The following KIF21A variants were observed in gnomAD, a reference collection of about 807,000 sequenced individuals.
KIF21A encodes the protein kinesin family member 21A.
KIF21A carries 114 observed loss-of-function variants against 202.9 expected under a neutral mutation model. The ratio of observed to expected loss-of-function variants is 0.56; its 90% confidence interval spans 0.48 to 0.66. The LOEUF (loss-of-function observed/expected upper bound fraction) is 0.66, where lower values mean the gene tolerates loss of function less well. Among genes scored for constraint, KIF21A ranks in the 30% least tolerant of loss-of-function variants. The pLI is 0.00. For synonymous variants in KIF21A, 667 were observed against 670.8 expected, an observed-to-expected ratio of 0.99 and a Z score of 0.09; for missense variants, 1,677 against 1,994.9, an observed-to-expected ratio of 0.84 and a Z score of 3.04.
chr12:39,429,440 C>T (rs528110261), intron 1 of KIF21A, among the ~76,000 whole-genome samples: 372 of 152,198 alleles, frequency 2.4e-3, no homozygotes, highest in Non-Finnish European at 4.3e-3. Flanking sequence ...AATATAAATG[C>T]ACTATTATCA....
At chr12:39,432,617 C>CT (rs200987357) in intron 1 of KIF21A, among the ~76,000 whole-genome samples, 12,339 of 144,932 alleles carry the variant, frequency 0.085, 629 homozygotes, top group South Asian at 0.29. Flanking sequence ...TGGACAAATT[C>CT]TTTTTTTTTT....
At chr12:39,383,860 T>C (rs1566080074) in intron 1 of KIF21A, among the ~76,000 whole-genome samples, 1 of 152,128 alleles carries the variant, frequency 6.6e-6, no homozygotes, top group Non-Finnish European at 1.5e-5. Flanking sequence ...TGAAGAGGCT[T>C]AGAGCAGTAC....
intron 11 of KIF21A, among the ~76,000 whole-genome samples, chr12:39,348,045 T>C (rs888833013): frequency 2.6e-5 from 4 of 152,076 alleles, no homozygotes; most frequent in African/African-American, 9.7e-5. Context: ...GAGACTTTTG[T>C]TAGCTTATAC....
intron 1 of KIF21A, among the ~76,000 whole-genome samples, chr12:39,418,037 A>G (rs1313970021): frequency 6.6e-6 from 1 of 151,960 alleles, no homozygotes. Context: ...GTGCAACCCC[A>G]TCTCTACAAA....
At chr12:39,389,179 T>TAC (rs10632410) in intron 1 of KIF21A, among the ~76,000 whole-genome samples, 13,194 of 142,024 alleles carry the variant, frequency 0.093, 919 homozygotes, top group African/African-American at 0.2. Context: ...TAAATACACA[T>TAC]ACACACACAC....
In KIF21A at chr12:39,309,764, G is replaced by T. The variant is rs756337041; in HGVS notation, c.4099C>A (p.Arg1367Ser). The change falls in exon 33 of 38, where the codon CGT becomes AGT. Residue 1367 changes from arginine (R) to serine (S), a missense_variant and splice_region_variant. Coordinates refer to ENST00000361418, the MANE Select transcript of KIF21A (RefSeq NM_001173464.2). ...ACCAGATTCCATACTTTACAAGTAC[G>T]ATCTAAAACAAACACATAAAAAAAA... ...DDLLFTGSKD[R>S]TCKVWNLVTG... 1.2e-6 allele frequency: 2 copies of T among 1,612,018 alleles called. No homozygotes were observed. The highest frequency in any genetic ancestry group is 8.5e-7 in the Non-Finnish European group (1 of 1,179,172).
chr12:39,365,987 CAG>C lies in KIF21A; in HGVS notation c.903+361_903+362del, dbSNP rs573731091. Among the ~76,000 whole-genome samples the C allele has an allele frequency of 2.7e-3, 410 of 152,144 alleles. 1 individual carries two copies. Among genetic ancestry groups the C allele is most frequent in the South Asian group, 0.017 (81 of 4,822 alleles). On this transcript the variant is annotated intron_variant, in intron 6 of 37. Transcript: ENST00000361418. ...CACTGTACTCCAGGAGAGTGGGTGA[CAG>C]AGTGAGACCCTGTTTTAAAAAAATA...
chr12:39,379,988 G>C (rs1446902390), intron 1 of KIF21A, among the ~76,000 whole-genome samples: 3 of 152,166 alleles, frequency 2.0e-5, no homozygotes, highest in Non-Finnish European at 4.4e-5. Context: ...TTTTTTAAGA[G>C]ACGGAGTCTC....
intron 31 of KIF21A, among the ~76,000 whole-genome samples, chr12:39,313,505 T>C (rs952029226): frequency 6.6e-6 from 1 of 151,850 alleles, no homozygotes; most frequent in Non-Finnish European, 1.5e-5. Context: ...TTGTGGACAA[T>C]GTGAATAAGT....
intron 22 of KIF21A, among the ~76,000 whole-genome samples, 168 bp from the exon 23 acceptor site, chr12:39,331,079 T>C (rs1456938371): frequency 1.3e-5 from 2 of 152,184 alleles, no homozygotes; most frequent in East Asian, 3.8e-4. Flanking sequence ...CAAGTTCACC[T>C]GTCCAAGATG....
chr12:39,368,083 T>A, intron 3 of KIF21A, 51 bp from the exon 4 acceptor site: 1 of 1,154,140 alleles, frequency 8.7e-7, no homozygotes, highest in South Asian at 1.2e-5. Flanking sequence ...GTCTGGGTAG[T>A]TGTCATAACA....
At chr12:39,380,898 A>G (rs1950568335) in intron 1 of KIF21A, among the ~76,000 whole-genome samples, 1 of 152,196 alleles carries the variant, frequency 6.6e-6, no homozygotes, top group Non-Finnish European at 1.5e-5. Context: ...TCCTATACCA[A>G]TTATATACAG....
chr12:39,323,892 C>T (rs919733569), intron 26 of KIF21A, among the ~76,000 whole-genome samples: 3 of 151,980 alleles, frequency 2.0e-5, no homozygotes, highest in Admixed American at 1.3e-4. Context: ...AGGTGGATCA[C>T]GAGGTCAGGA....
At chr12:39,405,206 G>A (rs1031693204) in intron 1 of KIF21A, among the ~76,000 whole-genome samples, 28 of 152,140 alleles carry the variant, frequency 1.8e-4, no homozygotes, top group African/African-American at 6.7e-4. Context: ...ACAAAAATTA[G>A]CTGGGCATGG....
At chr12:39,394,873 A>G (rs1267694298) in intron 1 of KIF21A, among the ~76,000 whole-genome samples, 1 of 152,216 alleles carries the variant, frequency 6.6e-6, no homozygotes, top group Non-Finnish European at 1.5e-5. Context: ...ATCGAAGGAC[A>G]ACTAAACTTT....
chr12:39,342,105 T>C lies in KIF21A; in HGVS notation c.1732A>G (p.Asn578Asp). The change falls in exon 13 of 38, where the codon AAT (asparagine) becomes GAT (aspartate). Residue 578 changes from asparagine to aspartate, a missense_variant. Asn to Asp is a conservative substitution (Grantham distance 23, BLOSUM62 1). This residue lies in a region of KIF21A where 966 missense variants were observed against 1,180.9 expected (regional missense o/e 0.82). Transcript: ENST00000361418. ...EERSVAGKED[N>D]TDTDQEKKEE... ...TTCTTCTCTTGGTCAGTGTCTGTAT[T>C]ATCCTCTTTACCAGCCACACTAAAA... 1 of 1,610,218 alleles carries C rather than the reference T, an allele frequency of 6.2e-7. No homozygotes were observed. The highest frequency in any genetic ancestry group is 8.5e-7 in the Non-Finnish European group (1 of 1,176,780).
intron 1 of KIF21A, among the ~76,000 whole-genome samples, chr12:39,421,149 C>T (rs1410192259): frequency 1.3e-5 from 2 of 152,124 alleles, no homozygotes; most frequent in Non-Finnish European, 2.9e-5. Context: ...AAATGCTTAC[C>T]ATTGTGTTAC....
chr12:39,351,376 A>C (rs1007986086), intron 11 of KIF21A, among the ~76,000 whole-genome samples: 1 of 152,136 alleles, frequency 6.6e-6, no homozygotes, highest in Non-Finnish European at 1.5e-5. Context: ...ACTAATCTAG[A>C]CAGGGATGAA....
chr12:39,441,676 A>AAAAAAAAAAAAAAAAAAAAAAAAAAAAC (rs1041857523), intron 1 of KIF21A, among the ~76,000 whole-genome samples: 6 of 137,382 alleles, frequency 4.4e-5, no homozygotes, highest in African/African-American at 1.4e-4. Context: ...AAAAAAAAAA[A>AAAAAAAAAAAAAAAAAAAAAAAAAAAAC]AAAACACTTA....
Sources: gnomAD v4.1 joint callset for allele counts (sites outside exome capture counted in the v4.1 genomes callset) on GRCh38, gnomAD v4.1.1 for gene constraint, gnomAD v4.1.1 regional missense constraint, MANE v1.5 for transcripts, NCBI Gene and HGNC (gene_info 2026-07-23, HGNC 2026-07-21) for gene names.